BCKDHB: variants seen among roughly 807,000 people sequenced by gnomAD.
BCKDHB encodes the protein branched chain keto acid dehydrogenase E1 subunit beta.
BCKDHB carries 41 observed loss-of-function variants against 48.5 expected under a neutral mutation model. That is an observed-to-expected ratio of 0.85 (90% CI 0.66 to 1.10). BCKDHB has a LOEUF of 1.10. Ranked by LOEUF, BCKDHB falls within the 50% of genes least tolerant of loss-of-function variation. The probability of loss-of-function intolerance (pLI) is 0.00; values close to 1 mark genes in which losing one functional copy is unlikely to be tolerated. For missense variants in BCKDHB, 496 were observed against 494.2 expected, an observed-to-expected ratio of 1.00 and a Z score of -0.03; for synonymous variants, 201 against 174.8, an observed-to-expected ratio of 1.15 and a Z score of -1.18.
intron 6 of BCKDHB, among the ~76,000 whole-genome samples, chr6:80,191,231 A>G (rs1212415416): frequency 6.6e-6 from 1 of 152,190 alleles, no homozygotes; most frequent in Non-Finnish European, 1.5e-5. Flanking sequence ...TAGATATGCA[A>G]TAAGGAATTT....
chr6:80,301,210 GAT>G (rs1480281553), intron 9 of BCKDHB, among the ~76,000 whole-genome samples: 1 of 151,924 alleles, frequency 6.6e-6, no homozygotes, highest in African/African-American at 2.4e-5. Context: ...ATGAGATTGA[GAT>G]GCAAAAATCC....
the BCKDHB span, among the ~76,000 whole-genome samples, chr6:80,439,757 A>T: frequency 6.6e-6 from 1 of 152,324 alleles, no homozygotes; most frequent in African/African-American, 2.4e-5. Context: ...CAGCAGGGGA[A>T]ATCAATTCTA....
the BCKDHB span, among the ~76,000 whole-genome samples, chr6:80,387,174 A>G: frequency 6.6e-6 from 1 of 152,130 alleles, no homozygotes; most frequent in African/African-American, 2.4e-5. Context: ...GTTTTAGCTC[A>G]GCTCTGACTT....
At chr6:80,414,202 C>G in the BCKDHB span, among the ~76,000 whole-genome samples, 4 of 151,804 alleles carry the variant, frequency 2.6e-5, no homozygotes, top group Non-Finnish European at 4.4e-5. Flanking sequence ...AGTTATTAGA[C>G]GATTGTCAGA....
At chr6:80,410,729 C>T in the BCKDHB span, among the ~76,000 whole-genome samples, 64 of 152,270 alleles carry the variant, frequency 4.2e-4, no homozygotes, top group African/African-American at 1.4e-3. Flanking sequence ...TCCACTTGAT[C>T]GAATCAGCTA....
the BCKDHB span, among the ~76,000 whole-genome samples, chr6:80,417,535 G>A: frequency 6.6e-6 from 1 of 152,120 alleles, no homozygotes; most frequent in African/African-American, 2.4e-5. Flanking sequence ...CAAGTCTGGG[G>A]GTAACGAATT....
At chr6:80,116,926 A>G (rs1265424534) in intron 1 of BCKDHB, among the ~76,000 whole-genome samples, 1 of 152,210 alleles carries the variant, frequency 6.6e-6, no homozygotes, top group Non-Finnish European at 1.5e-5. Flanking sequence ...TTATCTTACT[A>G]TGGCAGACAT....
intron 8 of BCKDHB, among the ~76,000 whole-genome samples, chr6:80,217,611 T>A (rs1582378958): frequency 6.6e-6 from 1 of 152,318 alleles, no homozygotes; most frequent in East Asian, 1.9e-4. Flanking sequence ...ATGCAAAGTA[T>A]CATCTTCCTT....
At chr6:80,411,705 G>T in the BCKDHB span, among the ~76,000 whole-genome samples, 1 of 152,194 alleles carries the variant, frequency 6.6e-6, no homozygotes, top group African/African-American at 2.4e-5. Flanking sequence ...CTGCAGCCTC[G>T]CAGGTTGATC....
At chr6:80,211,134 T>A (rs930074641) in intron 8 of BCKDHB, among the ~76,000 whole-genome samples, 4 of 151,944 alleles carry the variant, frequency 2.6e-5, no homozygotes, top group Non-Finnish European at 5.9e-5. Flanking sequence ...ATAACAACAC[T>A]GCAAAAAAAG....
At chr6:80,117,495 TAAACTGGCCCCA>T in intron 1 of BCKDHB, among the ~76,000 whole-genome samples, 1 of 152,214 alleles carries the variant, frequency 6.6e-6, no homozygotes. Context: ...AATCTGGCCA[TAAACTGGCCCCA>T]AAACTGGCCA....
At chr6:80,289,445 G>A (rs1221892934) in intron 9 of BCKDHB, among the ~76,000 whole-genome samples, 1 of 152,128 alleles carries the variant, frequency 6.6e-6, no homozygotes, top group Non-Finnish European at 1.5e-5. Flanking sequence ...GCCAGGAAGT[G>A]CAGCTCCCAC....
chr6:80,242,388 C>A (rs983335812), intron 8 of BCKDHB, among the ~76,000 whole-genome samples: 1 of 152,138 alleles, frequency 6.6e-6, no homozygotes, highest in African/African-American at 2.4e-5. Context: ...TCTATCTTAA[C>A]AATATAGCTT....
chr6:80,465,100 G>T, the BCKDHB span, among the ~76,000 whole-genome samples: 1 of 152,158 alleles, frequency 6.6e-6, no homozygotes, highest in Non-Finnish European at 1.5e-5. Flanking sequence ...GGGTCATTCA[G>T]CTCCTTTAGC....
At chr6:80,130,303 C>T (rs1382036473) in intron 3 of BCKDHB, among the ~76,000 whole-genome samples, 1 of 152,158 alleles carries the variant, frequency 6.6e-6, no homozygotes, top group Non-Finnish European at 1.5e-5. Flanking sequence ...TTTGGCATTG[C>T]TCTATATTGC....
At chr6:80,163,452 C>T (rs1444774091) in intron 3 of BCKDHB, among the ~76,000 whole-genome samples, 1 of 152,124 alleles carries the variant, frequency 6.6e-6, no homozygotes, top group South Asian at 2.1e-4. Context: ...GAAACACTTC[C>T]TTTTGGGACA....
intron 3 of BCKDHB, among the ~76,000 whole-genome samples, chr6:80,141,350 G>A (rs1462942552): frequency 6.6e-6 from 1 of 151,950 alleles, no homozygotes; most frequent in Non-Finnish European, 1.5e-5. Flanking sequence ...AGAGGCTAGC[G>A]ATCAGAAACC....
At chr6:80,271,604 C>T (rs1050734225) in intron 8 of BCKDHB, among the ~76,000 whole-genome samples, 1 of 152,068 alleles carries the variant, frequency 6.6e-6, no homozygotes, top group African/African-American at 2.4e-5. Context: ...AGGGTACCAG[C>T]ATTTTTATAG....
At chr6:80,124,976 G>T (rs1770264699) in intron 1 of BCKDHB, among the ~76,000 whole-genome samples, 1 of 152,128 alleles carries the variant, frequency 6.6e-6, no homozygotes, top group Non-Finnish European at 1.5e-5. Context: ...TTACAAAAGA[G>T]TCCACCTGTC....
Sources: gnomAD v4.1 joint callset for allele counts (sites outside exome capture counted in the v4.1 genomes callset) on GRCh38, gnomAD v4.1.1 for gene constraint, MANE v1.5 for transcripts, NCBI Gene and HGNC (gene_info 2026-07-23, HGNC 2026-07-21) for gene names.